Variants in BZW1 observed in about 807,000 individuals in gnomAD.
The protein encoded by BZW1 is basic leucine zipper and W2 domains 1, also known as eIF5-mimic protein 2.
Under a neutral mutation model 54.1 loss-of-function variants are expected in BZW1, and 3 were observed. That is an observed-to-expected ratio of 0.06 (90% confidence interval 0.03 to 0.14). The LOEUF is 0.14. Ranked by LOEUF, BZW1 falls within the 10% of genes least tolerant of loss-of-function variation. The probability of loss-of-function intolerance (pLI) is 1.00; values close to 1 mark genes in which losing one functional copy is unlikely to be tolerated. For missense variants in BZW1, 206 were observed against 491.7 expected, an observed-to-expected ratio of 0.42 and a Z score of 5.50; for synonymous variants, 152 against 162.7, an observed-to-expected ratio of 0.93 and a Z score of 0.50.
At position 200,822,729 on chromosome 2, in the gene BZW1, TTTTTG is replaced by T. The variant is rs540532271; in HGVS notation, c.*577_*581del. 4.5e-3 allele frequency: 311 copies of T among 69,178 alleles called. 5 individuals carry two copies. Among genetic ancestry groups the T allele is most frequent in the Non-Finnish European group, 4.0e-3 (145 of 35,946 alleles). 4.3% of individuals were successfully genotyped at this position (69,178 alleles called of 1,614,324 possible). On this transcript the variant is annotated 3_prime_UTR_variant, in exon 12 of 12. Transcript: ENST00000409600. ...CGTGGACCATTGCTTGCATGTTAACTTTTTGTTTTGTTTTGTTTTGTTTTGTTTTG... is the reference window on the plus strand; with the variant it reads ...CGTGGACCATTGCTTGCATGTTAACTTTTTGTTTTGTTTTGTTTTGTTTTG...
chr2:200,824,713 C>G lies in BZW1; in HGVS notation c.*2535C>G, dbSNP rs1283753394. On this transcript the variant is annotated 3_prime_UTR_variant, in exon 12 of 12. Transcript: ENST00000409600. ...TTTGAGACGGAGTCTCGCTCTGTCA[C>G]CAGGCTGGAGTGCAGTGGCGCGATC... 2 of 146,722 alleles carry G rather than the reference C, an allele frequency of 1.4e-5. No homozygotes were observed. Among genetic ancestry groups the G allele is most frequent in the Non-Finnish European group, 3.0e-5 (2 of 67,132 alleles). 9.1% of individuals were successfully genotyped at this position (146,722 alleles called of 1,614,324 possible).
chr2:200,812,128 G>A lies in BZW1; in HGVS notation c.-11+138G>A, dbSNP rs2038088053. ...GAGGTCGCCTCTTGAGGCCGGGCCG[G>A]ATCTAGGGCCTGAAAGGCCGCCGCT... On this transcript the variant is annotated intron_variant, in intron 1 of 11. Transcript: ENST00000409600. 10 of 926,280 alleles carry A rather than the reference G, an allele frequency of 1.1e-5. No individual in the cohort carries two copies. In the East Asian group the frequency reaches 2.4e-4, roughly 22 times the overall value. 57.4% of individuals were successfully genotyped at this position (926,280 alleles called of 1,614,324 possible).
chr2:200,822,124 A>G (rs1441910959), intron 11 of BZW1, 23 bp from the exon 12 acceptor site: 1 of 1,595,830 alleles, frequency 6.3e-7, no homozygotes, highest in South Asian at 1.1e-5. Context: ...ATAATGTTTG[A>G]CTGTTTTTTT....
At chr2:200,817,074 G>A (rs753542037) in intron 5 of BZW1, 32 bp from the exon 6 acceptor site, 3 of 1,607,418 alleles carry the variant, frequency 1.9e-6, no homozygotes, top group Non-Finnish European at 2.5e-6. Flanking sequence ...TGCAGTTGCT[G>A]TTTTAACCCT....
intron 2 of BZW1, among the ~76,000 whole-genome samples, chr2:200,814,183 G>A (rs908908897): frequency 6.6e-6 from 1 of 152,156 alleles, no homozygotes; most frequent in Non-Finnish European, 1.5e-5. Context: ...CAGTAAAATG[G>A]GAAAGTGTAT....
In BZW1 at chr2:200,827,127, C is replaced by T. The variant is rs1047785706; in HGVS notation, c.*4949C>T. On this transcript the variant is annotated 3_prime_UTR_variant, in exon 12 of 12. Coordinates refer to ENST00000409600, the MANE Select transcript of BZW1 (RefSeq NM_001207067.2). Reference sequence around the variant, plus strand: ...ACCTCATTTCCATTCTAGTTAGGAGCAATGGCGCCCAGGACGGCACACAGA... The same window carrying T: ...ACCTCATTTCCATTCTAGTTAGGAGTAATGGCGCCCAGGACGGCACACAGA... 6.6e-6 allele frequency: 1 copy of T among 152,064 alleles called. No individual in the cohort carries two copies. Among genetic ancestry groups the T allele is most frequent in the Non-Finnish European group, 1.5e-5 (1 of 68,030 alleles). 9.4% of individuals were successfully genotyped at this position (152,064 alleles called of 1,614,324 possible).
At position 200,823,713 on chromosome 2, in the gene BZW1, T is replaced by TA. The variant is rs1199092908; in HGVS notation, c.*1538dup. 6.6e-6 allele frequency: 1 copy of TA among 152,366 alleles called. No individual in the cohort carries two copies. Among genetic ancestry groups the TA allele is most frequent in the Non-Finnish European group, 1.5e-5 (1 of 67,928 alleles). 9.4% of individuals were successfully genotyped at this position (152,366 alleles called of 1,614,324 possible). A position where few individuals can be genotyped will look rare whatever the true frequency, so the allele number is the denominator to read the frequency against. ...AATTTGTTAAAATGAGTAACTTTGA[T>TA]AAAGTTTTTCATGCACAGGCAAAAT... On this transcript the variant is annotated 3_prime_UTR_variant, in exon 12 of 12. Transcript: ENST00000409600.
intron 2 of BZW1, among the ~76,000 whole-genome samples, chr2:200,813,959 G>T (rs1395004211): frequency 1.3e-5 from 2 of 152,168 alleles, no homozygotes; most frequent in Non-Finnish European, 2.9e-5. Flanking sequence ...TCAGCTACTG[G>T]TTATAAGTTG....
chr2:200,826,397 ATAGATAGATATTTTTTTTTTTTTTTTT>A lies in BZW1; in HGVS notation c.*4221_*4247del, dbSNP rs1195903557. ...TATAGATAGATAGATAGATAGATAG[ATAGATAGATATTTTTTTTTTTTTTTTT>A]TTTTTTTTTTTTTTTTTTGAGACAG... On this transcript the variant is annotated 3_prime_UTR_variant, in exon 12 of 12. Transcript: ENST00000409600. The A allele has an allele frequency of 4.9e-4, 31 of 63,398 alleles. No homozygotes were observed. The highest frequency in any genetic ancestry group is 1.6e-3 in the African/African-American group (30 of 18,512). 3.9% of individuals were successfully genotyped at this position (63,398 alleles called of 1,614,324 possible).
At chr2:200,816,279 T>G (rs1272629866) in intron 4 of BZW1, 46 bp from the exon 5 acceptor site, 24 of 1,412,280 alleles carry the variant, frequency 1.7e-5, no homozygotes, top group Non-Finnish European at 2.4e-5. Flanking sequence ...ACTTTGCTAT[T>G]CTAGAAATAT....
At chr2:200,812,936 G>A in intron 1 of BZW1, 1 of 670,604 alleles carries the variant, frequency 1.5e-6, no homozygotes, top group South Asian at 1.5e-5. Flanking sequence ...TTAGGTTTAT[G>A]ACGGGTGATC....
At chr2:200,816,652 C>T (rs2038303408) in intron 5 of BZW1, among the ~76,000 whole-genome samples, 2 of 152,098 alleles carry the variant, frequency 1.3e-5, no homozygotes, top group African/African-American at 4.8e-5. Context: ...CCACCATGCC[C>T]AGCTAATTTT....
chr2:200,818,193 A>T (rs756625070), intron 7 of BZW1, 30 bp from the exon 8 acceptor site: 2 of 1,529,766 alleles, frequency 1.3e-6, no homozygotes, highest in Admixed American at 2.3e-5. Context: ...TGATTTAAAG[A>T]AAGTTTAACC....
At chr2:200,816,461 C>A in intron 5 of BZW1, 71 bp downstream of exon 5, 2 of 1,135,644 alleles carry the variant, frequency 1.8e-6, no homozygotes, top group South Asian at 1.7e-5. Context: ...AATCCTAATT[C>A]CGCCACAGAT....
At chr2:200,818,646 G>A in intron 8 of BZW1, 109 bp from the exon 9 acceptor site, 1 of 1,275,138 alleles carries the variant, frequency 7.8e-7, no homozygotes, top group Non-Finnish European at 1.1e-6. Context: ...GTGGTTGCCA[G>A]TTGCATGGAA....
At chr2:200,812,057 G>A (rs1378495312) in intron 1 of BZW1, 67 bp downstream of exon 1, 3 of 440,162 alleles carry the variant, frequency 6.8e-6, no homozygotes, top group Non-Finnish European at 1.1e-5. Context: ...CAGAGGGAGA[G>A]GGAGGCGGCG....
intron 6 of BZW1, 128 bp downstream of exon 6, chr2:200,817,369 C>G (rs1313225882): frequency 1.7e-6 from 2 of 1,199,708 alleles, no homozygotes; most frequent in African/African-American, 3.0e-5. Context: ...TTAATAAGTT[C>G]AGTCTAATTC....
intron 2 of BZW1, among the ~76,000 whole-genome samples, chr2:200,814,209 G>A (rs1057487684): frequency 5.3e-5 from 8 of 152,176 alleles, no homozygotes; most frequent in Non-Finnish European, 1.2e-4. Flanking sequence ...GAATATGTGG[G>A]TTACTGATGT....
Position 200,827,079 on chromosome 2 carries a change from C to G in BZW1, c.*4901C>G, listed in dbSNP as rs2038721592. The G allele has an allele frequency of 6.6e-6, 1 of 152,002 alleles. No homozygotes were observed. Among genetic ancestry groups the G allele is most frequent in the African/African-American group, 2.4e-5 (1 of 41,394 alleles). 9.4% of individuals were successfully genotyped at this position (152,002 alleles called of 1,614,324 possible). A position where few individuals can be genotyped will look rare whatever the true frequency, so the allele number is the denominator to read the frequency against. On this transcript the variant is annotated 3_prime_UTR_variant, in exon 12 of 12. Transcript: ENST00000409600. The stretch of plus-strand genomic sequence containing the variant: ...TCAACAGTCTCTGGCATTTGAAGAA[C>G]AAAATATTTTCTCTGTAAATACACC...
Sources: gnomAD v4.1 joint callset for allele counts (sites outside exome capture counted in the v4.1 genomes callset) on GRCh38, gnomAD v4.1.1 for gene constraint, MANE v1.5 for transcripts, NCBI Gene and HGNC (gene_info 2026-07-23, HGNC 2026-07-21) for gene names.